VPS13B: variants seen among roughly 807,000 people sequenced by gnomAD.
The protein encoded by VPS13B is intermembrane lipid transfer protein VPS13B.
VPS13B carries 285 observed loss-of-function variants against 426.4 expected under a neutral mutation model. That is an observed-to-expected ratio of 0.67 (90% CI 0.61 to 0.74). The LOEUF (loss-of-function observed/expected upper bound fraction) is 0.74. VPS13B is among the 30% of genes least tolerant of loss of function. VPS13B has a pLI of 0.00. For missense variants in VPS13B, 4,537 were observed against 4,782.6 expected, an observed-to-expected ratio of 0.95 and a Z score of 1.51; for synonymous variants, 1,676 against 1,676.4, an observed-to-expected ratio of 1.00 and a Z score of 0.01.
chr8:99,039,877 A>T (rs1842901840), intron 3 of VPS13B, among the ~76,000 whole-genome samples: 1 of 152,118 alleles, frequency 6.6e-6, no homozygotes, highest in Non-Finnish European at 1.5e-5. Flanking sequence ...TTATATTCTC[A>T]TGAAAATGAA....
intron 19 of VPS13B, among the ~76,000 whole-genome samples, chr8:99,312,051 T>G (rs1345544961): frequency 1.3e-5 from 2 of 152,238 alleles, no homozygotes; most frequent in Non-Finnish European, 2.9e-5. Flanking sequence ...CCCTTTATTT[T>G]GAGCCTATGT....
At chr8:99,509,710 AT>A (rs1821685723) in intron 28 of VPS13B, among the ~76,000 whole-genome samples, 1 of 152,054 alleles carries the variant, frequency 6.6e-6, no homozygotes, top group Admixed American at 6.5e-5. Context: ...CCTCTTAAAA[AT>A]CTCCTCTTTG....
At chr8:99,600,594 A>G (rs1354435054) in intron 33 of VPS13B, among the ~76,000 whole-genome samples, 1 of 152,180 alleles carries the variant, frequency 6.6e-6, no homozygotes, top group Non-Finnish European at 1.5e-5. Flanking sequence ...GAGACCCAGC[A>G]TGGTAATCTC....
chr8:99,067,595 A>G (rs1185163184), intron 3 of VPS13B, among the ~76,000 whole-genome samples: 1 of 152,258 alleles, frequency 6.6e-6, no homozygotes, highest in Non-Finnish European at 1.5e-5. Context: ...ATACCTACGT[A>G]ACAAAACTGC....
At chr8:99,080,646 T>TA (rs1353467643) in intron 3 of VPS13B, among the ~76,000 whole-genome samples, 2 of 152,236 alleles carry the variant, frequency 1.3e-5, no homozygotes, top group African/African-American at 4.8e-5. Flanking sequence ...TTTCCCCACT[T>TA]ACTTTATATT....
At chr8:99,701,819 T>C (rs1415108881) in intron 36 of VPS13B, among the ~76,000 whole-genome samples, 1 of 152,140 alleles carries the variant, frequency 6.6e-6, no homozygotes, top group African/African-American at 2.4e-5. Context: ...CAGTTTTTTC[T>C]TTATGCATAC....
At chr8:99,575,439 G>A (rs953391743) in intron 31 of VPS13B, among the ~76,000 whole-genome samples, 1 of 152,120 alleles carries the variant, frequency 6.6e-6, no homozygotes, top group South Asian at 2.1e-4. Flanking sequence ...ATATGAAATT[G>A]CTTAATTACA....
chr8:99,302,838 A>G (rs960853080), intron 19 of VPS13B, among the ~76,000 whole-genome samples: 4 of 152,126 alleles, frequency 2.6e-5, no homozygotes, highest in African/African-American at 9.7e-5. Flanking sequence ...AAAAAACAGA[A>G]TGGCTCCATG....
chr8:99,768,781 A>G (rs1811349719), intron 40 of VPS13B, among the ~76,000 whole-genome samples: 1 of 152,232 alleles, frequency 6.6e-6, no homozygotes, highest in Non-Finnish European at 1.5e-5. Context: ...AGCAATAAAA[A>G]GAACACCCAT....
intron 39 of VPS13B, among the ~76,000 whole-genome samples, chr8:99,751,226 A>G (rs749247006): frequency 3.3e-5 from 5 of 151,914 alleles, no homozygotes; most frequent in Admixed American, 6.6e-5. Context: ...TTATCTGCCT[A>G]TAAATAATTT....
intron 39 of VPS13B, among the ~76,000 whole-genome samples, chr8:99,743,400 A>G (rs1235538502): frequency 2.0e-5 from 3 of 151,976 alleles, no homozygotes; most frequent in African/African-American, 7.3e-5. Flanking sequence ...ATACTGCCCA[A>G]GGTAATTTAT....
At chr8:99,277,427 C>G (rs961779500) in intron 19 of VPS13B, among the ~76,000 whole-genome samples, 1 of 151,806 alleles carries the variant, frequency 6.6e-6, no homozygotes, top group Non-Finnish European at 1.5e-5. Context: ...TATTTTTATG[C>G]CAGTTTTAAA....
chr8:99,419,340 A>G (rs1816250176), intron 21 of VPS13B, among the ~76,000 whole-genome samples: 2 of 152,166 alleles, frequency 1.3e-5, no homozygotes, highest in Admixed American at 6.6e-5. Flanking sequence ...CTGTGAGTCA[A>G]TTAAACCTCT....
At position 99,870,848 on chromosome 8, in the gene VPS13B, A is replaced by C; in HGVS notation, c.11456A>C (p.His3819Pro). 1 of 1,614,216 alleles carries C rather than the reference A, an allele frequency of 6.2e-7. No individual in the cohort carries two copies. The highest frequency in any genetic ancestry group is 1.6e-4 in the Middle Eastern group (1 of 6,062). Residue 3819 changes from histidine to proline, a missense_variant, in exon 60 of 62, where the codon CAT becomes CCT. By Grantham distance (77) the His-to-Pro change is moderately conservative (BLOSUM62 -2). Transcript: ENST00000357162. ...PKQRHQPSDL[H>P]ADQAPNSHVK... ...CAGCGCCATCAGCCAAGTGATCTAC[A>C]TGCTGACCAGGCTCCAAACAGCCAT... is the stretch of plus-strand genomic sequence containing the variant.
At chr8:99,741,524 C>T (rs1450983368) in intron 39 of VPS13B, among the ~76,000 whole-genome samples, 2 of 151,684 alleles carry the variant, frequency 1.3e-5, no homozygotes, top group Admixed American at 6.6e-5. Context: ...AATATACATT[C>T]TTTTCAGCAC....
chr8:99,324,033 C>G (rs139367196), intron 19 of VPS13B, among the ~76,000 whole-genome samples: 3 of 152,236 alleles, frequency 2.0e-5, no homozygotes, highest in Non-Finnish European at 2.9e-5. Flanking sequence ...TACAAGCATC[C>G]AGATATGAGC....
chr8:99,215,085 A>AT (rs954999964), intron 17 of VPS13B, among the ~76,000 whole-genome samples: 40 of 152,156 alleles, frequency 2.6e-4, no homozygotes, highest in Admixed American at 2.6e-3. Context: ...TGCATGTCTG[A>AT]TTTTTTTCCC....
intron 16 of VPS13B, among the ~76,000 whole-genome samples, chr8:99,184,394 T>A (rs1443611759): frequency 6.6e-6 from 1 of 152,216 alleles, no homozygotes; most frequent in East Asian, 1.9e-4. Context: ...GTCTGTCTTT[T>A]TGATTATGTC....
chr8:99,337,202 T>A (rs1810947243), intron 19 of VPS13B, among the ~76,000 whole-genome samples: 1 of 152,154 alleles, frequency 6.6e-6, no homozygotes, highest in South Asian at 2.1e-4. Context: ...GATGATTTCA[T>A]GTCCTTTGTA....
Sources: gnomAD v4.1 joint callset for allele counts (sites outside exome capture counted in the v4.1 genomes callset) on GRCh38, gnomAD v4.1.1 for gene constraint, MANE v1.5 for transcripts, NCBI Gene and HGNC (gene_info 2026-07-23, HGNC 2026-07-21) for gene names.